Variants in TEF observed in about 807,000 individuals in gnomAD.
The protein encoded by TEF is thyrotroph embryonic factor.
A neutral mutation model predicts 20.8 loss-of-function variants in TEF; 3 were observed. The ratio of observed to expected loss-of-function variants is 0.14; its 90% CI spans 0.07 to 0.37. The LOEUF is 0.37. Ranked by LOEUF, TEF falls within the 10% of genes least tolerant of loss-of-function variation. The pLI is 1.00. For synonymous variants in TEF, 180 were observed against 171.1 expected (o/e 1.05, Z -0.41); for missense variants, 296 against 397.9 (o/e 0.74, Z 2.18).
rs1327243333 is a variant in TEF at position 41,396,121 on chromosome 22, C to G, written c.*161C>G. 6.7e-6 allele frequency: 5 copies of G among 751,608 alleles called. No individual in the cohort carries two copies. Among genetic ancestry groups the G allele is most frequent in the Non-Finnish European group, 1.1e-5 (5 of 472,720 alleles). 46.6% of individuals were successfully genotyped at this position (751,608 alleles called of 1,614,324 possible). On this transcript the variant is annotated 3_prime_UTR_variant, in exon 4 of 4. Coordinates refer to ENST00000266304, the MANE Select transcript of TEF (RefSeq NM_003216.4). The stretch of plus-strand genomic sequence containing the variant: ...ACGTCTCAGCTTCATTATACCATGG[C>G]CTGCGCACGTGGCGACGTCCCTGAG...
In TEF at chr22:41,395,973, G is replaced by C. The variant is rs746375610; in HGVS notation, c.*13G>C. On this transcript the variant is annotated 3_prime_UTR_variant, in exon 4 of 4. Coordinates refer to ENST00000266304, the MANE Select transcript of TEF (RefSeq NM_003216.4). ...CGGGCCCTTGTAACCCGTGCCCCCC[G>C]CCCGGGCGGGGTACTGCCTGCACCT... 3 of 1,604,116 alleles carry C rather than the reference G, an allele frequency of 1.9e-6. No individual in the cohort carries two copies. The highest frequency in any genetic ancestry group is 2.6e-6 in the Non-Finnish European group (3 of 1,172,236).
At chr22:41,389,167 G>A (rs560535410) in intron 2 of TEF, among the ~76,000 whole-genome samples, 6 of 152,240 alleles carry the variant, frequency 3.9e-5, no homozygotes, top group Non-Finnish European at 5.9e-5. Context: ...TTGGGAGGCC[G>A]AGGTGGGTGG....
chr22:41,388,578 CA>C (rs10717641), intron 2 of TEF, among the ~76,000 whole-genome samples: 34,069 of 116,280 alleles, frequency 0.29, 4,292 homozygotes, highest in Admixed American at 0.46. Flanking sequence ...GACGCCATCT[CA>C]AAAAAAAAAA....
At chr22:41,389,808 A>G (rs28604950) in intron 2 of TEF, among the ~76,000 whole-genome samples, 29,549 of 152,100 alleles carry the variant, frequency 0.19, 4,010 homozygotes, top group Admixed American at 0.39. Flanking sequence ...ATAGTAGTCA[A>G]TTGTACTAAC....
chr22:41,375,551 C>T (rs2145966682), intron 1 of TEF, among the ~76,000 whole-genome samples: 1 of 152,112 alleles, frequency 6.6e-6, no homozygotes, highest in East Asian at 1.9e-4. Context: ...GAGATCGAGG[C>T]CATGCTGGCT....
At chr22:41,382,356 CG>C (rs1007548403) in intron 1 of TEF, among the ~76,000 whole-genome samples, 155 bp downstream of exon 1, 1 of 100,866 alleles carries the variant, frequency 9.9e-6, no homozygotes, top group African/African-American at 4.0e-5. Flanking sequence ...AGGACGAGGC[CG>C]GGGGGCTGAG....
chr22:41,382,222 C>T (rs2037038323), intron 1 of TEF, 21 bp downstream of exon 1: 13 of 988,512 alleles, frequency 1.3e-5, no homozygotes, highest in Non-Finnish European at 1.4e-5. Flanking sequence ...GGGGGTGGTC[C>T]GCGCGGGCTG....
chr22:41,379,800 G>A (rs978473747), upstream of TEF, among the ~76,000 whole-genome samples: 6 of 151,336 alleles, frequency 4.0e-5, no homozygotes, highest in Admixed American at 3.3e-4. Context: ...AGCTGAGGCA[G>A]GAGAATCGCT....
intron 3 of TEF, among the ~76,000 whole-genome samples, chr22:41,395,067 C>T (rs1254875575): frequency 2.0e-5 from 3 of 152,114 alleles, no homozygotes; most frequent in East Asian, 3.9e-4. Context: ...AGTGCAGTGG[C>T]GTGATCTCGG....
intron 2 of TEF, among the ~76,000 whole-genome samples, chr22:41,392,530 C>T (rs1453948850): frequency 4.0e-5 from 6 of 151,462 alleles, no homozygotes; most frequent in Non-Finnish European, 5.9e-5. Flanking sequence ...AAAAATTAGC[C>T]GAGCATGGTA....
chr22:41,370,123 T>A (rs1411704399), intron 1 of TEF: 1 of 974,602 alleles, frequency 1.0e-6, no homozygotes, highest in Non-Finnish European at 1.2e-6. Flanking sequence ...TTTCCCCCTT[T>A]TTTTTTTTTG....
At position 41,399,235 on chromosome 22, in the gene TEF, G is replaced by A. The variant is rs1390364046; in HGVS notation, c.*3275G>A. 3 of 152,696 alleles carry A rather than the reference G, an allele frequency of 2.0e-5. No individual in the cohort carries two copies. The highest frequency in any genetic ancestry group is 4.4e-5 in the Non-Finnish European group (3 of 68,056). The allele number at this position is 152,696 out of a possible 1,614,324, so 9.5% of individuals were successfully genotyped here. The stretch of plus-strand genomic sequence containing the variant: ...GCCTTATGTGCGTGTGTGCGTGCGA[G>A]TGTGTCACTGCTGGTGGGCCGGAGT... On this transcript the variant is annotated 3_prime_UTR_variant, in exon 4 of 4. Transcript: ENST00000266304.
intron 1 of TEF, among the ~76,000 whole-genome samples, chr22:41,374,532 A>AG (rs2036917342): frequency 6.6e-6 from 1 of 151,462 alleles, no homozygotes; most frequent in East Asian, 1.9e-4. Flanking sequence ...AGCCTGGACA[A>AG]CTGAGCAAGA....
upstream of TEF, chr22:41,377,195 A>T (rs2036952921): frequency 6.6e-6 from 1 of 152,154 alleles, no homozygotes; most frequent in Non-Finnish European, 1.5e-5. Context: ...AGAACGCTTC[A>T]CGAATCTGCA....
chr22:41,382,762 C>A (rs903928141), intron 1 of TEF, among the ~76,000 whole-genome samples: 3 of 147,376 alleles, frequency 2.0e-5, no homozygotes, highest in Non-Finnish European at 4.5e-5. Context: ...CTTTCTGTTG[C>A]GGGGCTTCTG....
At position 41,370,763 on chromosome 22, in the gene TEF, C is replaced by T. The variant is rs149441158; in HGVS notation, c.67+3164C>T. 7.5e-3 allele frequency among the ~76,000 whole-genome samples: 1,148 copies of T among 152,238 alleles called. 9 individuals are homozygous for T. Among genetic ancestry groups the T allele is most frequent in the Non-Finnish European group, 0.013 (903 of 68,024 alleles). ...CCCCTTGAAACCCAGACTTGGGGTC[C>T]CTCTCCCTCGTGCTGCCCCTGGGCC... On this transcript the variant is annotated intron_variant, in intron 1 of 3. Transcript: ENST00000406644.
intron 1 of TEF, among the ~76,000 whole-genome samples, 155 bp downstream of exon 1, chr22:41,382,356 C>T (rs1367094086): frequency 1.5e-4 from 15 of 100,886 alleles, no homozygotes; most frequent in Admixed American, 2.2e-4. Flanking sequence ...AGGACGAGGC[C>T]GGGGGGCTGA....
intron 1 of TEF, among the ~76,000 whole-genome samples, chr22:41,370,483 G>A (rs2145959003): frequency 6.9e-6 from 1 of 145,604 alleles, no homozygotes; most frequent in East Asian, 2.0e-4. Context: ...TGCAACGTCA[G>A]CTCACTGTAA....
At chr22:41,385,137 A>G (rs977949250) in intron 1 of TEF, among the ~76,000 whole-genome samples, 4 of 151,936 alleles carry the variant, frequency 2.6e-5, no homozygotes, top group African/African-American at 9.7e-5. Flanking sequence ...GCCAAGGTGG[A>G]TGGATCACCT....
Sources: allele counts gnomAD v4.1 joint callset (sites outside exome capture counted in the v4.1 genomes callset), GRCh38; gene constraint gnomAD v4.1.1; transcripts MANE v1.5; gene names NCBI Gene and HGNC (gene_info 2026-07-23, HGNC 2026-07-21).